Variants in PSMA1 observed in about 807,000 individuals in gnomAD.
PSMA1 encodes the protein proteasome 20S subunit alpha 1.
In PSMA1, 3 loss-of-function variants were observed where a neutral mutation model predicts 38.4. That is an observed-to-expected ratio of 0.08 (90% confidence interval 0.04 to 0.20). The LOEUF (loss-of-function observed/expected upper bound fraction) is 0.20, where lower values mean the gene tolerates loss of function less well. Ranked by LOEUF, PSMA1 falls within the 10% of genes least tolerant of loss-of-function variation. The probability of loss-of-function intolerance (pLI) is 1.00; values close to 1 mark genes in which losing one functional copy is unlikely to be tolerated. For missense variants in PSMA1, 227 were observed against 325.3 expected, an observed-to-expected ratio of 0.70 and a Z score of 2.32; for synonymous variants, 101 against 107.1, an observed-to-expected ratio of 0.94 and a Z score of 0.35.
At chr11:14,582,542 G>A (rs554649221) in intron 2 of PSMA1, among the ~76,000 whole-genome samples, 1 of 151,784 alleles carries the variant, frequency 6.6e-6, no homozygotes, top group Non-Finnish European at 1.5e-5. Flanking sequence ...TTTTTGAGAT[G>A]GAGTCTCACT....
At chr11:14,612,128 T>C (rs1190700176) in intron 1 of PSMA1, among the ~76,000 whole-genome samples, 6 of 152,178 alleles carry the variant, frequency 3.9e-5, no homozygotes, top group Non-Finnish European at 8.8e-5. Context: ...CTAGGAGGAA[T>C]GTAACAAAAC....
At chr11:14,572,657 C>T (rs11499710) in intron 2 of PSMA1, among the ~76,000 whole-genome samples, 46,298 of 151,972 alleles carry the variant, frequency 0.3, 8,098 homozygotes, top group South Asian at 0.44. Flanking sequence ...CAAGAAATAA[C>T]TAAGATCAGA....
chr11:14,524,660 G>T (rs776647412), upstream of PSMA1, among the ~76,000 whole-genome samples: 2 of 152,174 alleles, frequency 1.3e-5, no homozygotes, highest in Non-Finnish European at 2.9e-5. Context: ...CACAAAGCCT[G>T]TTTGGTAGTC....
At chr11:14,539,943 C>T (rs1430462892) in intron 2 of PSMA1, among the ~76,000 whole-genome samples, 3 of 151,970 alleles carry the variant, frequency 2.0e-5, no homozygotes, top group African/African-American at 7.2e-5. Context: ...AAAAAGGAAA[C>T]ATATAAATGA....
At chr11:14,584,391 C>T (rs1852315317) in intron 2 of PSMA1, among the ~76,000 whole-genome samples, 1 of 151,786 alleles carries the variant, frequency 6.6e-6, no homozygotes, top group Admixed American at 6.6e-5. Context: ...ATTTCCCTTA[C>T]TTTTTAAGTG....
intron 2 of PSMA1, among the ~76,000 whole-genome samples, chr11:14,574,049 TA>T (rs1852182161): frequency 1.3e-5 from 2 of 152,116 alleles, no homozygotes; most frequent in Non-Finnish European, 2.9e-5. Flanking sequence ...AACTGGAACT[TA>T]TATTTAAAAG....
At chr11:14,556,174 C>A (rs1565043815) in intron 2 of PSMA1, among the ~76,000 whole-genome samples, 2 of 152,174 alleles carry the variant, frequency 1.3e-5, no homozygotes, top group Admixed American at 6.6e-5. Context: ...TTTGGTGGAG[C>A]TTATCCTGCA....
intron 1 of PSMA1, among the ~76,000 whole-genome samples, chr11:14,624,137 G>C (rs1293727384): frequency 6.6e-6 from 1 of 152,164 alleles, no homozygotes; most frequent in East Asian, 1.9e-4. Context: ...AAATCATTTA[G>C]AAGTAGCCAA....
At chr11:14,548,645 A>T (rs1447548852) in intron 2 of PSMA1, among the ~76,000 whole-genome samples, 2 of 152,174 alleles carry the variant, frequency 1.3e-5, no homozygotes, top group Non-Finnish European at 1.5e-5. Context: ...TCAGGATTTA[A>T]TTTTTTTAAG....
chr11:14,514,124 G>T, intron 5 of PSMA1: 1 of 1,320,114 alleles, frequency 7.6e-7, no homozygotes, highest in Non-Finnish European at 9.6e-7. Flanking sequence ...GATTTGTTTT[G>T]GATACAAGGG....
chr11:14,635,229 T>C (rs940011406), intron 1 of PSMA1, among the ~76,000 whole-genome samples: 1 of 152,360 alleles, frequency 6.6e-6, no homozygotes, highest in Non-Finnish European at 1.5e-5. Flanking sequence ...TTTTGATTTG[T>C]TTAAAGTGTT....
chr11:14,621,485 G>T (rs921827780), intron 1 of PSMA1, among the ~76,000 whole-genome samples: 1 of 151,918 alleles, frequency 6.6e-6, no homozygotes, highest in Admixed American at 6.6e-5. Context: ...TGCCCAGGCT[G>T]GTCTCAAACT....
chr11:14,592,354 G>GTCTCTCTCTCTC (rs569894376), intron 2 of PSMA1, among the ~76,000 whole-genome samples: 35 of 135,942 alleles, frequency 2.6e-4, no homozygotes, highest in East Asian at 6.5e-4. Context: ...CTCTGACACA[G>GTCTCTCTCTCTC]TCTCTCTCTC....
intron 1 of PSMA1, among the ~76,000 whole-genome samples, chr11:14,630,077 G>A (rs1852979067): frequency 6.6e-6 from 1 of 151,946 alleles, no homozygotes; most frequent in African/African-American, 2.4e-5. Flanking sequence ...GAGACAATGG[G>A]GTTTTCTAGA....
At chr11:14,614,644 T>C (rs1359889046) in intron 1 of PSMA1, among the ~76,000 whole-genome samples, 2 of 152,214 alleles carry the variant, frequency 1.3e-5, no homozygotes, top group Admixed American at 6.5e-5. Context: ...AGCTAGAAAT[T>C]TGATTCTCAT....
At chr11:14,563,969 A>G (rs1303062941) in intron 2 of PSMA1, among the ~76,000 whole-genome samples, 2 of 152,202 alleles carry the variant, frequency 1.3e-5, no homozygotes, top group Admixed American at 6.5e-5. Context: ...GTTGGGAGAA[A>G]GATTTTTAAT....
intron 1 of PSMA1, among the ~76,000 whole-genome samples, chr11:14,639,851 C>CT (rs1853175481): frequency 6.6e-6 from 1 of 152,150 alleles, no homozygotes. Context: ...TCTCTGAGTC[C>CT]TCCAGAGCAT....
chr11:14,516,411 G>A (rs1393953514), intron 4 of PSMA1, among the ~76,000 whole-genome samples: 2 of 152,126 alleles, frequency 1.3e-5, no homozygotes, highest in Non-Finnish European at 2.9e-5. Context: ...TCACTATGTT[G>A]CCCTGGTCTC....
intron 2 of PSMA1, among the ~76,000 whole-genome samples, chr11:14,546,980 G>A (rs964436207): frequency 6.6e-6 from 1 of 152,136 alleles, no homozygotes; most frequent in Non-Finnish European, 1.5e-5. Flanking sequence ...ATATACACAT[G>A]GTGACTAAGA....
Sources: allele counts gnomAD v4.1 joint callset (sites outside exome capture counted in the v4.1 genomes callset), GRCh38; gene constraint gnomAD v4.1.1; transcripts MANE v1.5; gene names NCBI Gene and HGNC (gene_info 2026-07-23, HGNC 2026-07-21).